MYZAP: variants seen among roughly 807,000 people sequenced by gnomAD.
The protein encoded by MYZAP is myocardial zonula adherens protein, also known as GRINL1A complex locus upstream.
In MYZAP, 66 loss-of-function variants were observed where a neutral mutation model predicts 69.4. The observed-to-expected ratio is 0.95, with a 90% CI of 0.78 to 1.17. MYZAP has a LOEUF of 1.17. Ranked by LOEUF, MYZAP falls within the 50% of genes most tolerant of loss-of-function variation. MYZAP has a pLI of 0.00. For missense variants in MYZAP, 611 were observed against 556.2 expected (o/e 1.10, Z -0.99); for synonymous variants, 256 against 205.9 (o/e 1.24, Z -2.09).
chr15:57,633,578 A>C, intron 7 of MYZAP, 35 bp from the exon 8 acceptor site: 2 of 1,595,930 alleles, frequency 1.3e-6, no homozygotes, highest in South Asian at 1.2e-5. Flanking sequence ...TCGGTACTCC[A>C]TGCCTGTACT....
intron 1 of MYZAP, among the ~76,000 whole-genome samples, chr15:57,592,443 A>G (rs1028295818): frequency 3.3e-5 from 5 of 152,208 alleles, no homozygotes; most frequent in Admixed American, 3.3e-4. Context: ...TTGAGACTCA[A>G]AAGTAATGAA....
chr15:57,637,375 A>G (rs1405123658), intron 8 of MYZAP, among the ~76,000 whole-genome samples: 1 of 152,214 alleles, frequency 6.6e-6, no homozygotes, highest in African/African-American at 2.4e-5. Context: ...TTGCAGTATC[A>G]CAAGCCACCA....
chr15:57,648,485 A>T, intron 10 of MYZAP: 1 of 985,132 alleles, frequency 1.0e-6, no homozygotes, highest in East Asian at 1.1e-4. Context: ...ATGCATATGG[A>T]TGTCACATTC....
intron 10 of MYZAP, chr15:57,648,289 G>A (rs1296150461): frequency 2.0e-6 from 2 of 985,220 alleles, no homozygotes; most frequent in Admixed American, 1.2e-4. Context: ...GTCTTTTCAA[G>A]GGAAAGGATA....
In MYZAP at chr15:57,592,346, C is replaced by T. The variant is rs1330319589; in HGVS notation, c.75+237C>T. Among the ~76,000 whole-genome samples the T allele has an allele frequency of 7.2e-5, 11 of 152,180 alleles. No individual in the cohort carries two copies. In the East Asian group the frequency reaches 2.1e-3, roughly 29 times the overall value. The stretch of plus-strand genomic sequence containing the variant: ...GACTTTATGGAATTCCCAGAGATTT[C>T]CTCTCCTTCCTGCCTTTCTGTCAAG... On this transcript the variant is annotated intron_variant, in intron 1 of 12. Transcript: ENST00000267853.
At chr15:57,646,834 G>T in intron 10 of MYZAP, 1 of 985,460 alleles carries the variant, frequency 1.0e-6, no homozygotes, top group Non-Finnish European at 1.2e-6. Context: ...TCACGAAAAG[G>T]AGTGTATCTG....
intron 11 of MYZAP, among the ~76,000 whole-genome samples, chr15:57,665,105 A>C (rs540669546): frequency 6.6e-6 from 1 of 152,318 alleles, no homozygotes; most frequent in Admixed American, 6.5e-5. Context: ...TCATCCTCAA[A>C]GTTGGAGACT....
intron 11 of MYZAP, among the ~76,000 whole-genome samples, chr15:57,672,166 T>C (rs2038897100): frequency 6.6e-6 from 1 of 152,140 alleles, no homozygotes; most frequent in Non-Finnish European, 1.5e-5. Context: ...TTTAGTGTTT[T>C]CCCCCAACTC....
At chr15:57,653,140 A>G (rs1595913184) in intron 10 of MYZAP, among the ~76,000 whole-genome samples, 1 of 152,114 alleles carries the variant, frequency 6.6e-6, no homozygotes, top group African/African-American at 2.4e-5. Flanking sequence ...GTATTTATTA[A>G]CCTGTGGTTG....
intron 11 of MYZAP, among the ~76,000 whole-genome samples, chr15:57,667,052 T>TA (rs2038611294): frequency 6.6e-6 from 1 of 152,100 alleles, no homozygotes; most frequent in Non-Finnish European, 1.5e-5. Flanking sequence ...ATACTACACT[T>TA]ACAGCTCAAT....
chr15:57,617,969 A>G lies in MYZAP; in HGVS notation c.163-64A>G, dbSNP rs1409891039. ...CATAATCATACACAGTGGGCCCGTT[A>G]TTACAACTGTGCATGAGGCCTAAAG... On this transcript the variant is annotated intron_variant, in intron 2 of 12. Coordinates refer to ENST00000267853, the MANE Select transcript of MYZAP (RefSeq NM_001018100.5). 3.9e-6 allele frequency: 6 copies of G among 1,554,240 alleles called. No individual in the cohort carries two copies. In the Admixed American group the frequency reaches 5.7e-5, roughly 15 times the overall value.
chr15:57,674,252 T>C (rs905134946), intron 11 of MYZAP, among the ~76,000 whole-genome samples: 52 of 152,228 alleles, frequency 3.4e-4, no homozygotes, highest in Admixed American at 4.6e-4. Context: ...CTTGCTTCTT[T>C]GTCCTTCATT....
At chr15:57,637,605 T>C in intron 8 of MYZAP, 90 bp from the exon 9 acceptor site, 1 of 1,437,526 alleles carries the variant, frequency 7.0e-7, no homozygotes, top group Non-Finnish European at 9.5e-7. Context: ...TCATATAGAC[T>C]TGGACTCCCT....
intron 12 of MYZAP, among the ~76,000 whole-genome samples, chr15:57,677,309 G>C (rs2039192032): frequency 6.6e-6 from 1 of 152,196 alleles, no homozygotes; most frequent in Admixed American, 6.5e-5. Context: ...GATTCTGTTT[G>C]AATAAATAGC....
chr15:57,593,188 G>GCATGCGCGCGCGCGCACACACACA, intron 1 of MYZAP, among the ~76,000 whole-genome samples: 33 of 114,196 alleles, frequency 2.9e-4, no homozygotes, highest in African/African-American at 8.1e-4. Context: ...GTACACAGGC[G>GCATGCGCGCGCGCGCACACACACA]CACACACACA....
chr15:57,596,589 G>C (rs996430834), intron 1 of MYZAP, among the ~76,000 whole-genome samples: 101 of 152,258 alleles, frequency 6.6e-4, no homozygotes, highest in African/African-American at 2.2e-3. Flanking sequence ...AGGCCGGGGT[G>C]ATCTTTCTAA....
intron 10 of MYZAP, chr15:57,647,442 T>G: frequency 1.0e-6 from 1 of 985,440 alleles, no homozygotes; most frequent in Non-Finnish European, 1.2e-6. Flanking sequence ...TCTAAGTCTC[T>G]GGTGGAAAAG....
chr15:57,647,809 C>A (rs2037518826), intron 10 of MYZAP: 1 of 985,290 alleles, frequency 1.0e-6, no homozygotes, highest in Non-Finnish European at 1.2e-6. Flanking sequence ...GCAGGACCTA[C>A]CTCAGCCTGC....
Position 57,637,761 on chromosome 15 carries a change from T to C in MYZAP, c.1000T>C (p.Ser334Pro), listed in dbSNP as rs1306424696. Residue 334 changes from serine (S) to proline (P), a missense_variant, in exon 9 of 13, where the codon TCT becomes CCT. Ser to Pro is a moderately conservative substitution (Grantham distance 74). Coordinates refer to ENST00000267853, the MANE Select transcript of MYZAP (RefSeq NM_001018100.5). ...ETEMSGELTD[S>P]DKERYQQLEE... ...AGAAATGTCTGGGGAGTTAACTGAT[T>C]CTGACAAGGAAAGGTAAGACGTAAT... 4 of 1,611,092 alleles carry C rather than the reference T, an allele frequency of 2.5e-6. No homozygotes were observed. The African/African-American group carries it at 5.3e-5, about 22-fold the overall frequency.
Sources: gnomAD v4.1 joint callset for allele counts (sites outside exome capture counted in the v4.1 genomes callset) on GRCh38, gnomAD v4.1.1 for gene constraint, MANE v1.5 for transcripts, NCBI Gene and HGNC (gene_info 2026-07-23, HGNC 2026-07-21) for gene names.